Variants in CNDP2 observed in about 807,000 individuals in gnomAD.
The protein encoded by CNDP2 is carnosine dipeptidase 2, also known as cytosolic non-specific dipeptidase.
In CNDP2, 38 loss-of-function variants were observed where a neutral mutation model predicts 55.0. The observed-to-expected ratio is 0.69, with a 90% CI of 0.53 to 0.90. CNDP2 has a LOEUF of 0.90. Among genes scored for constraint, CNDP2 ranks in the 40% least tolerant of loss-of-function variants. The probability of loss-of-function intolerance (pLI) is 0.00; values close to 1 mark genes in which losing one functional copy is unlikely to be tolerated. For synonymous variants in CNDP2, 241 were observed against 260.2 expected (o/e 0.93, Z 0.71); for missense variants, 607 against 621.7 (o/e 0.98, Z 0.25).
At chr18:74,500,101 C>A in intron 2 of CNDP2, 68 bp downstream of exon 2, 1 of 1,335,566 alleles carries the variant, frequency 7.5e-7, no homozygotes, top group Non-Finnish European at 1.1e-6. Context: ...GAGAAGTTGT[C>A]AAGAGCTAAT....
At chr18:74,513,845 A>G (rs1979497148) in intron 8 of CNDP2, 126 bp downstream of exon 8, 4 of 955,452 alleles carry the variant, frequency 4.2e-6, no homozygotes, top group Non-Finnish European at 4.6e-6. Flanking sequence ...TCCGATGCAC[A>G]TGAGTCACTC....
Position 74,508,887 on chromosome 18 carries a change from G to T in CNDP2, c.415G>T (p.Gly139Cys), listed in dbSNP as rs747520460. The change falls in exon 5 of 12, where the codon GGC becomes TGC. Residue 139 changes from glycine (G) to cysteine (C), a missense_variant. Coordinates refer to ENST00000324262, the MANE Select transcript of CNDP2 (RefSeq NM_018235.3). ...GSTDDKGPVAGWINALEAYQK... is the reference protein window; with the variant it reads ...GSTDDKGPVACWINALEAYQK... ...GACTGATGATAAGGGCCCGGTGGCC[G>T]GCTGGATAAACGCCCTGGAAGCGTA... is the stretch of plus-strand genomic sequence containing the variant. The T allele has an allele frequency of 1.2e-6, 2 of 1,613,976 alleles. No homozygotes were observed. Among genetic ancestry groups the T allele is most frequent in the Admixed American group, 1.7e-5 (1 of 59,982 alleles).
rs1378556830 is a variant in CNDP2, at chr18:74,502,714, TA to T, written c.204+1243del. ...TATATTCTTTGATCTAATGATAAGC[TA>T]TGGCTTATCTCGGTTCTTTGGCCTG... On this transcript the variant is annotated intron_variant, in intron 3 of 11. Transcript: ENST00000324262. 8.5e-5 allele frequency among the ~76,000 whole-genome samples: 13 copies of T among 152,256 alleles called. 1 individual carries two copies. The highest frequency in any genetic ancestry group is 4.6e-4 in the Admixed American group (7 of 15,286).
chr18:74,512,599 T>G (rs985687034), intron 7 of CNDP2, 67 bp downstream of exon 7: 24 of 1,384,096 alleles, frequency 1.7e-5, no homozygotes, highest in Non-Finnish European at 2.2e-5. Context: ...CCAGGCTGTC[T>G]GTCATCAGCA....
At chr18:74,516,482 C>A in intron 9 of CNDP2, 90 bp downstream of exon 9, 2 of 1,302,904 alleles carry the variant, frequency 1.5e-6, no homozygotes, top group South Asian at 3.0e-5. Context: ...CGACAGACAC[C>A]CGGGCCATGC....
chr18:74,518,881 G>A (rs987946442), intron 10 of CNDP2, 68 bp from the exon 11 acceptor site: 9 of 1,598,786 alleles, frequency 5.6e-6, no homozygotes, highest in Non-Finnish European at 7.7e-6. Context: ...ACTGAGTAGT[G>A]GTCTGAGACA....
intron 4 of CNDP2, chr18:74,508,624 T>A: frequency 4.1e-6 from 2 of 493,054 alleles, no homozygotes; most frequent in Admixed American, 3.3e-5. Flanking sequence ...AAGGAAGGGG[T>A]TCTTGGGAGC....
intron 11 of CNDP2, among the ~76,000 whole-genome samples, chr18:74,519,766 C>T (rs1025202415): frequency 1.3e-5 from 2 of 152,188 alleles, no homozygotes; most frequent in East Asian, 1.9e-4. Flanking sequence ...CGTTTACTAC[C>T]GGGGCACTAG....
chr18:74,506,361 C>T (rs1979025800), intron 4 of CNDP2, among the ~76,000 whole-genome samples: 1 of 152,112 alleles, frequency 6.6e-6, no homozygotes, highest in South Asian at 2.1e-4. Context: ...TCTTGATCTC[C>T]TGACCTCAAG....
In CNDP2 at chr18:74,505,854, T is replaced by C. The variant is rs1978984502; in HGVS notation, c.210T>C (p.Pro70=). ...ELVDIGKQKL[P]DGSEIPLPPI... ...CCTTTCCTCTCCATGCTCAGCTCCC[T>C]GATGGCTCGGAGATCCCGCTCCCTC... Residue 70 remains proline (P), a synonymous_variant, in exon 4 of 12, where the codon CCT becomes CCC. Transcript: ENST00000324262. 6.2e-7 allele frequency: 1 copy of C among 1,612,328 alleles called. No homozygotes were observed. Among genetic ancestry groups the C allele is most frequent in the Admixed American group, 1.7e-5 (1 of 59,440 alleles).
chr18:74,508,969 C>T (rs371984187), intron 5 of CNDP2, 41 bp downstream of exon 5: 1 of 1,527,298 alleles, frequency 6.5e-7, no homozygotes, highest in African/African-American at 1.4e-5. Flanking sequence ...TCCTGGGTTC[C>T]ATCTGAGCCA....
At chr18:74,517,201 T>G (rs1979726967) in intron 9 of CNDP2, 1 of 151,966 alleles carries the variant, frequency 6.6e-6, no homozygotes, top group South Asian at 2.1e-4. Flanking sequence ...AACCTTTGTC[T>G]AAATAAGGTT....
At chr18:74,505,536 T>C (rs1487670461) in intron 3 of CNDP2, among the ~76,000 whole-genome samples, 1 of 151,428 alleles carries the variant, frequency 6.6e-6, no homozygotes, top group Non-Finnish European at 1.5e-5. Flanking sequence ...GAGGCAGAGG[T>C]TGCAATGAGC....
Position 74,513,627 on chromosome 18 carries a change from G to T in CNDP2, c.811G>T (p.Glu271Ter). The T allele has an allele frequency of 6.2e-7, 1 of 1,614,108 alleles. No individual in the cohort carries two copies. Residue 271 changes from glutamate to a stop codon, truncating the protein, a stop_gained, in exon 8 of 12, where the codon GAA (glutamate) becomes TAA (stop). Coordinates refer to ENST00000324262, the MANE Select transcript of CNDP2 (RefSeq NM_018235.3). LOFTEE classifies it high-confidence loss of function. ...TAACGAGGCCGTGGCCGCCGTCACGGAAGAGGAGCACAAGCTGTACGACGA... is the reference window on the plus strand; with the variant it reads ...TAACGAGGCCGTGGCCGCCGTCACGTAAGAGGAGCACAAGCTGTACGACGA... ...GINEAVAAVT[E>*]EEHKLYDDID...
chr18:74,501,533 A>G, intron 3 of CNDP2, 61 bp downstream of exon 3: 6 of 1,527,088 alleles, frequency 3.9e-6, no homozygotes, highest in East Asian at 2.3e-5. Context: ...AGGGGTTGAC[A>G]AGACGCCACA....
rs545477983 is a variant in CNDP2, at chr18:74,519,057, C to T, written c.1319C>T (p.Ala440Val). 52 of 1,612,476 alleles carry T rather than the reference C, an allele frequency of 3.2e-5. No individual in the cohort carries two copies. The highest frequency in any genetic ancestry group is 1.6e-4 in the Middle Eastern group (1 of 6,074). The part of the protein sequence containing the change: ...KNVMLLPVGS[A>V]DDGAHSQNEK... Reference sequence around the variant, plus strand: ...GTCATGCTGCTGCCTGTGGGGTCAGCGGATGACGGAGCCCACTCCCAGAAT... The same window carrying T: ...GTCATGCTGCTGCCTGTGGGGTCAGTGGATGACGGAGCCCACTCCCAGAAT... Residue 440 changes from alanine (A) to valine (V), a missense_variant, in exon 11 of 12, where the codon GCG becomes GTG. By Grantham distance (64) the Ala-to-Val change is moderately conservative. Transcript: ENST00000324262.
Position 74,510,803 on chromosome 18 carries a change from C to A in CNDP2, c.457-10C>A, listed in dbSNP as rs1222767982. On this transcript the variant is annotated splice_polypyrimidine_tract_variant and intron_variant, in intron 5 of 11. Transcript: ENST00000324262. ...GCTGAATATCCACTCGTGCTGTTCC[C>A]TTCTCACAGGAGATTCCTGTCAACG... 8.1e-6 allele frequency: 13 copies of A among 1,611,248 alleles called. No homozygotes were observed. Among genetic ancestry groups the A allele is most frequent in the Non-Finnish European group, 1.0e-5 (12 of 1,178,472 alleles).
In CNDP2 at chr18:74,501,334, C is replaced by T. The variant is rs1057099420; in HGVS notation, c.66C>T (p.Leu22=). 5.0e-6 allele frequency: 8 copies of T among 1,612,252 alleles called. No individual in the cohort carries two copies. The highest frequency in any genetic ancestry group is 1.3e-5 in the African/African-American group (1 of 74,936). ...TGCTTCTTGTCCACAAACAGAAACT[C>T]GCAAAATGGGTGGCTATCCAGAGTG... ...DENQDRYIKK[L]AKWVAIQSVS... The change falls in exon 3 of 12, where the codon CTC becomes CTT. Residue 22 remains leucine, a synonymous_variant. Coordinates refer to ENST00000324262, the MANE Select transcript of CNDP2 (RefSeq NM_018235.3).
intron 9 of CNDP2, 125 bp from the exon 10 acceptor site, chr18:74,518,374 C>G: frequency 9.9e-7 from 1 of 1,014,554 alleles, no homozygotes; most frequent in South Asian, 1.5e-5. Context: ...AGACCCATCA[C>G]AGACCTGTCA....
Sources: gnomAD v4.1 joint callset for allele counts (sites outside exome capture counted in the v4.1 genomes callset) on GRCh38, gnomAD v4.1.1 for gene constraint, MANE v1.5 for transcripts, NCBI Gene and HGNC (gene_info 2026-07-23, HGNC 2026-07-21) for gene names.